Variants in FER1L6 observed in about 807,000 individuals in gnomAD.
The protein encoded by FER1L6 is fer-1-like protein 6.
A neutral mutation model predicts 219.2 loss-of-function variants in FER1L6; 177 were observed. That is an observed-to-expected ratio of 0.81 (90% CI 0.71 to 0.91). The LOEUF is 0.91. Ranked by LOEUF, FER1L6 falls within the 40% of genes least tolerant of loss-of-function variation. The pLI, the probability that FER1L6 is intolerant of heterozygous loss-of-function variation, is 0.00. For synonymous variants in FER1L6, 768 were observed against 824.3 expected (o/e 0.93, Z 1.17); for missense variants, 2,153 against 2,259.9 (o/e 0.95, Z 0.96).
intron 18 of FER1L6, among the ~76,000 whole-genome samples, chr8:124,029,395 A>G (rs749428311): frequency 2.0e-5 from 3 of 152,190 alleles, no homozygotes; most frequent in African/African-American, 4.8e-5. Flanking sequence ...CACTTCCACC[A>G]ACAGTGTTCC....
chr8:124,093,534 A>G (rs1409552416), intron 34 of FER1L6, among the ~76,000 whole-genome samples: 1 of 152,058 alleles, frequency 6.6e-6, no homozygotes, highest in Non-Finnish European at 1.5e-5. Flanking sequence ...CAGATTATTG[A>G]TATTTAGATA....
chr8:124,013,220 T>A (rs959462214), intron 14 of FER1L6, among the ~76,000 whole-genome samples: 3 of 152,196 alleles, frequency 2.0e-5, no homozygotes, highest in African/African-American at 7.2e-5. Context: ...AGAAGACTTG[T>A]ATGTGGACCA....
intron 1 of FER1L6, among the ~76,000 whole-genome samples, chr8:123,898,923 G>A (rs1812811599): frequency 6.7e-6 from 1 of 149,644 alleles, no homozygotes; most frequent in Non-Finnish European, 1.5e-5. Context: ...CATTTGTGTT[G>A]GTTCCACAAT....
chr8:123,859,713 CCA>C (rs1341792905), intron 1 of FER1L6, among the ~76,000 whole-genome samples: 1 of 134,880 alleles, frequency 7.4e-6, no homozygotes, highest in Non-Finnish European at 1.6e-5. Flanking sequence ...TCCCCCCACC[CCA>C]CAACAGTCCC....
At chr8:123,976,455 G>A (rs955444062) in intron 9 of FER1L6, among the ~76,000 whole-genome samples, 2 of 151,808 alleles carry the variant, frequency 1.3e-5, no homozygotes, top group African/African-American at 4.8e-5. Flanking sequence ...GTTGCAGTGA[G>A]CAGAGATTGT....
In FER1L6 at chr8:123,995,554, C is replaced by A. The variant is rs371397400; in HGVS notation, c.1520-7613C>A. 2.7e-4 allele frequency among the ~76,000 whole-genome samples: 41 copies of A among 151,836 alleles called. No homozygotes were observed. In the East Asian group the frequency reaches 3.3e-3, roughly 12 times the overall value. ...TATCTCTGATTTTATTTATTTGGGTCTTCTCTTTTTTTTTAGTCTGGCTAC... is the reference window on the plus strand; with the variant it reads ...TATCTCTGATTTTATTTATTTGGGTATTCTCTTTTTTTTTAGTCTGGCTAC... On this transcript the variant is annotated intron_variant, in intron 12 of 40. Transcript: ENST00000522917.
At chr8:123,955,970 TC>T in intron 1 of FER1L6, 21 bp from the exon 2 acceptor site, 1 of 1,587,968 alleles carries the variant, frequency 6.3e-7, no homozygotes, top group Non-Finnish European at 8.6e-7. Flanking sequence ...TTTTATTGTT[TC>T]TTTTTTTTTC....
chr8:124,060,379 C>T (rs1022804511), intron 23 of FER1L6, 89 bp downstream of exon 23: 52 of 1,440,482 alleles, frequency 3.6e-5, no homozygotes, highest in Non-Finnish European at 4.7e-5. Context: ...ATGGAATGGG[C>T]GGGAGACCTA....
At chr8:124,013,052 G>C (rs747540831) in intron 14 of FER1L6, among the ~76,000 whole-genome samples, 2 of 152,100 alleles carry the variant, frequency 1.3e-5, no homozygotes, top group Non-Finnish European at 2.9e-5. Flanking sequence ...AAATTGACTT[G>C]AACATTACTT....
At position 124,044,306 on chromosome 8, in the gene FER1L6, G is replaced by C. The variant is rs144588562; in HGVS notation, c.2590-1461G>C. On this transcript the variant is annotated intron_variant, in intron 20 of 40. Transcript: ENST00000522917. ...AAGTCATTCATTTCCTATTGGAAAA[G>C]TTAGATTTTCTCTGAAACGTTTAAA... Among the ~76,000 whole-genome samples, 34 of 152,322 alleles carry C rather than the reference G, an allele frequency of 2.2e-4. No homozygotes were observed. In the East Asian group the frequency reaches 5.2e-3, roughly 23 times the overall value.
chr8:124,039,401 C>T (rs1211193558), intron 19 of FER1L6, among the ~76,000 whole-genome samples: 1 of 152,018 alleles, frequency 6.6e-6, no homozygotes, highest in African/African-American at 2.4e-5. Context: ...AGGCACACAC[C>T]CACACATGCC....
chr8:123,892,163 CATT>C (rs1347930267), intron 1 of FER1L6, among the ~76,000 whole-genome samples: 7 of 152,224 alleles, frequency 4.6e-5, no homozygotes, highest in Non-Finnish European at 1.0e-4. Flanking sequence ...TTAGCTTTAA[CATT>C]AATAATACAC....
intron 38 of FER1L6, among the ~76,000 whole-genome samples, 196 bp downstream of exon 38, chr8:124,101,534 C>T (rs1822549183): frequency 1.3e-5 from 2 of 152,282 alleles, no homozygotes; most frequent in South Asian, 4.2e-4. Flanking sequence ...TGGACCACTA[C>T]ATATTCTAAA....
intron 1 of FER1L6, among the ~76,000 whole-genome samples, chr8:123,856,582 A>G (rs904677288): frequency 2.6e-5 from 4 of 151,308 alleles, no homozygotes; most frequent in African/African-American, 9.7e-5. Flanking sequence ...TTTCATTGCC[A>G]TTATTCTTAG....
At chr8:123,956,164 G>C in intron 2 of FER1L6, 90 bp downstream of exon 2, 1 of 1,110,626 alleles carries the variant, frequency 9.0e-7, no homozygotes, top group Non-Finnish European at 1.3e-6. Flanking sequence ...CTCTCTCAAT[G>C]GGAGCGAGGG....
chr8:123,880,136 C>T (rs766477396), intron 1 of FER1L6, among the ~76,000 whole-genome samples: 13 of 152,052 alleles, frequency 8.5e-5, no homozygotes, highest in East Asian at 3.8e-4. Flanking sequence ...AGAAATTCCT[C>T]GTCGGCATCC....
At chr8:123,920,974 T>C (rs1813343497) in intron 1 of FER1L6, among the ~76,000 whole-genome samples, 1 of 152,248 alleles carries the variant, frequency 6.6e-6, no homozygotes, top group Non-Finnish European at 1.5e-5. Flanking sequence ...CCTAACTTAT[T>C]CACTTAACAT....
At chr8:123,866,973 G>T (rs202197035) in intron 1 of FER1L6, among the ~76,000 whole-genome samples, 6 of 152,126 alleles carry the variant, frequency 3.9e-5, no homozygotes, top group Non-Finnish European at 8.8e-5. Context: ...TTGAATATTA[G>T]CCCCTTATCA....
At chr8:123,994,125 A>G (rs1256984629) in intron 12 of FER1L6, among the ~76,000 whole-genome samples, 1 of 152,154 alleles carries the variant, frequency 6.6e-6, no homozygotes, top group Non-Finnish European at 1.5e-5. Flanking sequence ...GTGCTTGCAA[A>G]AAGGTATCAG....
Sources: allele counts gnomAD v4.1 joint callset (sites outside exome capture counted in the v4.1 genomes callset), GRCh38; gene constraint gnomAD v4.1.1; transcripts MANE v1.5; gene names NCBI Gene and HGNC (gene_info 2026-07-23, HGNC 2026-07-21).